Variants in INPP4B observed in about 807,000 individuals in gnomAD.
The protein encoded by INPP4B is inositol polyphosphate 4-phosphatase type II.
A neutral mutation model predicts 122.5 loss-of-function variants in INPP4B; 55 were observed. The ratio of observed to expected loss-of-function variants is 0.45; its 90% CI spans 0.36 to 0.56. The LOEUF (loss-of-function observed/expected upper bound fraction) is 0.56, where lower values mean the gene tolerates loss of function less well. INPP4B is among the 20% of genes least tolerant of loss of function. INPP4B has a pLI of 0.00. For synonymous variants in INPP4B, 403 were observed against 388.7 expected (o/e 1.04, Z -0.43); for missense variants, 1,000 against 1,097.7 (o/e 0.91, Z 1.26).
intron 2 of INPP4B, among the ~76,000 whole-genome samples, chr4:142,522,922 G>A (rs979000737): frequency 2.0e-5 from 3 of 152,128 alleles, no homozygotes; most frequent in Non-Finnish European, 4.4e-5. Context: ...GTTCAAAATA[G>A]TGGTATTGAA....
At chr4:142,072,578 A>G (rs1171832812) in intron 25 of INPP4B, among the ~76,000 whole-genome samples, 1 of 148,844 alleles carries the variant, frequency 6.7e-6, no homozygotes, top group Non-Finnish European at 1.5e-5. Context: ...ATATAGTTTG[A>G]GGACATAACA....
chr4:142,219,615 G>T (rs996324468), intron 12 of INPP4B, among the ~76,000 whole-genome samples: 4 of 152,140 alleles, frequency 2.6e-5, no homozygotes, highest in Non-Finnish European at 1.5e-5. Flanking sequence ...GTTATGAAAC[G>T]TACTTAAAAG....
chr4:142,609,511 C>T (rs1209485987), intron 2 of INPP4B, among the ~76,000 whole-genome samples: 2 of 152,152 alleles, frequency 1.3e-5, no homozygotes, highest in African/African-American at 2.4e-5. Flanking sequence ...GTTAGCCTCA[C>T]ATTGGTGGAT....
chr4:142,294,875 T>TGTGGATGAA (rs1757989619), intron 9 of INPP4B, among the ~76,000 whole-genome samples: 1 of 126,706 alleles, frequency 7.9e-6, no homozygotes, highest in Non-Finnish European at 1.7e-5. Flanking sequence ...TACGCCAGGC[T>TGTGGATGAA]GTGGATGAAG....
At chr4:142,149,772 A>G (rs1303989131) in intron 17 of INPP4B, among the ~76,000 whole-genome samples, 2 of 152,220 alleles carry the variant, frequency 1.3e-5, no homozygotes, top group Non-Finnish European at 1.5e-5. Context: ...GGGATAGAGC[A>G]GTCACTTGGT....
intron 1 of INPP4B, among the ~76,000 whole-genome samples, chr4:142,777,395 G>A (rs1774091846): frequency 6.6e-6 from 1 of 152,108 alleles, no homozygotes; most frequent in Admixed American, 6.6e-5. Flanking sequence ...TCAGGAAACT[G>A]TGGGTGGCCT....
intron 23 of INPP4B, among the ~76,000 whole-genome samples, chr4:142,092,403 G>A (rs958946948): frequency 1.6e-4 from 24 of 152,062 alleles, no homozygotes; most frequent in Admixed American, 7.2e-4. Flanking sequence ...GGGTTCTCCC[G>A]CCTCAGCCTC....
At chr4:142,059,150 A>T (rs1390991) in intron 25 of INPP4B, among the ~76,000 whole-genome samples, 135,415 of 152,148 alleles carry the variant, frequency 0.89, 61,772 homozygotes, top group Non-Finnish European at 0.98. Flanking sequence ...TGTCAATACA[A>T]CCCAGTCATA....
intron 1 of INPP4B, among the ~76,000 whole-genome samples, chr4:142,766,553 T>C (rs1772172038): frequency 6.6e-6 from 1 of 152,020 alleles, no homozygotes; most frequent in Admixed American, 6.6e-5. Context: ...GTATTTTCAG[T>C]AGAGACAGGG....
At chr4:142,165,105 T>C (rs531193964) in intron 16 of INPP4B, among the ~76,000 whole-genome samples, 3 of 151,914 alleles carry the variant, frequency 2.0e-5, no homozygotes, top group African/African-American at 7.2e-5. Context: ...ATCCATCTCC[T>C]GAACCAGCTC....
intron 1 of INPP4B, among the ~76,000 whole-genome samples, chr4:142,753,230 AT>A (rs1162578901): frequency 6.6e-6 from 1 of 152,114 alleles, no homozygotes; most frequent in African/African-American, 2.4e-5. Context: ...TAAAGTGACA[AT>A]TTTATTTCAA....
At chr4:142,071,339 G>T (rs9903368) in intron 25 of INPP4B, among the ~76,000 whole-genome samples, 1 of 152,130 alleles carries the variant, frequency 6.6e-6, no homozygotes, top group Non-Finnish European at 1.5e-5. Context: ...ATTAATTCAA[G>T]ATGGATTAAA....
intron 15 of INPP4B, among the ~76,000 whole-genome samples, chr4:142,185,457 T>C (rs1316820750): frequency 2.0e-5 from 3 of 151,692 alleles, no homozygotes; most frequent in Admixed American, 1.3e-4. Flanking sequence ...GTGAATAATA[T>C]CCAAACTCAG....
intron 2 of INPP4B, among the ~76,000 whole-genome samples, chr4:142,636,889 T>C (rs1000123241): frequency 2.6e-5 from 4 of 152,284 alleles, no homozygotes; most frequent in African/African-American, 9.6e-5. Context: ...TTTTATTTTA[T>C]GGCTACAATT....
chr4:142,374,283 A>G (rs1561957770), intron 7 of INPP4B, among the ~76,000 whole-genome samples: 1 of 151,980 alleles, frequency 6.6e-6, no homozygotes, highest in Non-Finnish European at 1.5e-5. Flanking sequence ...GGTGAGCCAC[A>G]GTTCACATTC....
intron 1 of INPP4B, among the ~76,000 whole-genome samples, chr4:142,840,391 A>G (rs1014840055): frequency 6.6e-6 from 1 of 152,206 alleles, no homozygotes; most frequent in Non-Finnish European, 1.5e-5. Flanking sequence ...TAGAATAATC[A>G]TAAGTTTTTT....
rs1382913639 is a variant in INPP4B, at chr4:142,320,510, A to C, written c.373-5748T>G. ...TAATTTAGATCCTCCGTTCTTTTTA[A>C]TTTTAATAGGTTTTGGAAGAACATG... On this transcript the variant is annotated intron_variant, in intron 7 of 25. Coordinates refer to ENST00000262992, the MANE Select transcript of INPP4B (RefSeq NM_001101669.3). 4.6e-5 allele frequency among the ~76,000 whole-genome samples: 7 copies of C among 152,070 alleles called. No homozygotes were observed. The East Asian group carries it at 1.4e-3, about 29-fold the overall frequency.
intron 12 of INPP4B, among the ~76,000 whole-genome samples, chr4:142,228,054 C>A (rs898800779): frequency 4.0e-5 from 6 of 151,670 alleles, no homozygotes; most frequent in African/African-American, 1.5e-4. Flanking sequence ...TTCAAAAATA[C>A]TAAAAATGGA....
intron 14 of INPP4B, among the ~76,000 whole-genome samples, chr4:142,198,588 T>C (rs556712169): frequency 6.6e-6 from 1 of 152,102 alleles, no homozygotes; most frequent in African/African-American, 2.4e-5. Context: ...CCCTTTTCTT[T>C]CCACTCTGTT....
Sources: allele counts gnomAD v4.1 joint callset (sites outside exome capture counted in the v4.1 genomes callset), GRCh38; gene constraint gnomAD v4.1.1; transcripts MANE v1.5; gene names NCBI Gene and HGNC (gene_info 2026-07-23, HGNC 2026-07-21).